The following MCM7 variants were observed in gnomAD, a reference collection of about 807,000 sequenced individuals.
The protein encoded by MCM7 is DNA replication licensing factor MCM7.
Under a neutral mutation model 83.5 loss-of-function variants are expected in MCM7, and 95 were observed. The ratio of observed to expected loss-of-function variants is 1.14; its 90% CI spans 0.96 to 1.35. MCM7 has a LOEUF of 1.35. Ranked by LOEUF, MCM7 falls within the 40% of genes most tolerant of loss-of-function variation. MCM7 has a pLI of 0.00. For missense variants in MCM7, 1,087 were observed against 957.4 expected (o/e 1.14, Z -1.79); for synonymous variants, 461 against 352.7 (o/e 1.31, Z -3.44).
chr7:100,098,864 CAGA>C, intron 5 of MCM7, 149 bp from the exon 6 acceptor site: 1 of 1,369,160 alleles, frequency 7.3e-7, no homozygotes, highest in Admixed American at 2.3e-5. Context: ...AACAAACACC[CAGA>C]AAATAGGTAG....
At chr7:100,096,209 A>G (rs1453825803) in intron 10 of MCM7, 42 bp from the exon 11 acceptor site, 1 of 1,519,948 alleles carries the variant, frequency 6.6e-7, no homozygotes, top group African/African-American at 1.4e-5. Context: ...AGAAAGAACA[A>G]GAAAGAGAAC....
intron 13 of MCM7, chr7:100,093,794 G>C: frequency 1.6e-6 from 1 of 617,422 alleles, no homozygotes; most frequent in Non-Finnish European, 3.2e-6. Context: ...TGCTAGCTCA[G>C]CAGTAGGTTG....
rs1033802328 is a variant in MCM7, at chr7:100,101,140, G to A, written c.31+124C>T. Reference sequence around the variant, plus strand: ...CTTAGCCAGGCCGCAGCTCGACCCTGCCTCTGGCCTCGCGCACCCCAGAAC... The same window carrying A: ...CTTAGCCAGGCCGCAGCTCGACCCTACCTCTGGCCTCGCGCACCCCAGAAC... On this transcript the variant is annotated intron_variant, in intron 1 of 14. Coordinates refer to ENST00000303887, the MANE Select transcript of MCM7 (RefSeq NM_005916.5). 6 of 1,229,178 alleles carry A rather than the reference G, an allele frequency of 4.9e-6. No homozygotes were observed. In the African/African-American group the frequency reaches 5.9e-5, roughly 12 times the overall value. 76.1% of individuals were successfully genotyped at this position (1,229,178 alleles called of 1,614,324 possible). A position where few individuals can be genotyped will look rare whatever the true frequency, so the allele number is the denominator to read the frequency against.
chr7:100,094,167 A>G lies in MCM7; in HGVS notation c.1848+6T>C, dbSNP rs746236374. 4.3e-6 allele frequency: 7 copies of G among 1,614,152 alleles called. No individual in the cohort carries two copies. The Admixed American group carries it at 1.2e-4, about 27-fold the overall frequency. ...CAGATGGCCCTCCAGCAATTTGGGC[A>G]CTTACCAGAGCAGTGGAAAGGCGCA... On this transcript the variant is annotated splice_donor_region_variant and intron_variant, in intron 13 of 14. Transcript: ENST00000303887.
rs1396825913 is a variant in MCM7, at chr7:100,099,749, C to T, written c.116G>A (p.Arg39Gln). The T allele has an allele frequency of 1.2e-6, 2 of 1,613,632 alleles. No homozygotes were observed. Among genetic ancestry groups the T allele is most frequent in the East Asian group, 2.2e-5 (1 of 44,902 alleles). The part of the protein sequence containing the change: ...KQFKYGNQLV[R>Q]LAHREQVALY... Reference sequence around the variant, plus strand: ...AGCCACCTGTTCCCGATGAGCCAGCCGAACCTCAAGTGGGGAAGAGACAGA... The same window carrying T: ...AGCCACCTGTTCCCGATGAGCCAGCTGAACCTCAAGTGGGGAAGAGACAGA... Residue 39 changes from arginine (R) to glutamine (Q), a missense_variant, in exon 3 of 15, where the codon CGG becomes CAG. Arg to Gln is a conservative substitution (Grantham distance 43, BLOSUM62 1). Coordinates refer to ENST00000303887, the MANE Select transcript of MCM7 (RefSeq NM_005916.5).
intron 1 of MCM7, chr7:100,100,481 C>T (rs1045883173): frequency 1.1e-5 from 10 of 912,664 alleles, no homozygotes; most frequent in Non-Finnish European, 1.2e-5. Flanking sequence ...GCCACCGCAC[C>T]CCGCCACCGC....
chr7:100,100,933 G>T (rs1291598294), intron 1 of MCM7: 1 of 1,016,030 alleles, frequency 9.8e-7, no homozygotes, highest in Non-Finnish European at 1.2e-6. Flanking sequence ...AGCGGGCACG[G>T]GAGCCCAGAG....
chr7:100,098,500 C>A lies in MCM7; in HGVS notation c.720+78G>T, dbSNP rs548909696. On this transcript the variant is annotated intron_variant, in intron 6 of 14. Transcript: ENST00000303887. The stretch of plus-strand genomic sequence containing the variant: ...CTTCCCTCTTTTGTTCTTCTTTCTT[C>A]CTGCCATTCCACAAGTGACTACAGG... 5 of 1,588,956 alleles carry A rather than the reference C, an allele frequency of 3.1e-6. No homozygotes were observed. The African/African-American group carries it at 6.7e-5, about 21-fold the overall frequency.
At chr7:100,094,031 G>A in intron 13 of MCM7, 142 bp downstream of exon 13, 1 of 1,050,628 alleles carries the variant, frequency 9.5e-7, no homozygotes, top group Non-Finnish European at 1.5e-6. Flanking sequence ...CGGTAGCACG[G>A]AGAGGACCAC....
intron 1 of MCM7, chr7:100,100,312 TC>T (rs1562900503): frequency 1.6e-6 from 2 of 1,262,352 alleles, no homozygotes. Flanking sequence ...ATCCAACATC[TC>T]CCCAGGGGAA....
chr7:100,100,704 GGCCGCAGCTCTCTCCGCGGCC>G, intron 1 of MCM7: 9 of 989,830 alleles, frequency 9.1e-6, no homozygotes, highest in Non-Finnish European at 1.1e-5. Flanking sequence ...CGCCCCCCCG[GGCCGCAGCTCTCTCCGCGGCC>G]GCCGCGCGGA....
At position 100,096,314 on chromosome 7, in the gene MCM7, T is replaced by G. The variant is rs1291410518; in HGVS notation, c.1202-147A>C. On this transcript the variant is annotated intron_variant, in intron 10 of 14. Coordinates refer to ENST00000303887, the MANE Select transcript of MCM7 (RefSeq NM_005916.5). The stretch of plus-strand genomic sequence containing the variant: ...CCTTCTTGAGATGCCCGAGGATCTG[T>G]GGGGCACTGGCAATGTCCCCCTTCC... 6.6e-6 allele frequency: 5 copies of G among 753,838 alleles called. No homozygotes were observed. In the Admixed American group the frequency reaches 9.1e-5, roughly 14 times the overall value. The allele number at this position is 753,838 out of a possible 1,614,324, so 46.7% of individuals were successfully genotyped here.
Position 100,099,678 on chromosome 7 carries a change from C to T in MCM7, c.187G>A (p.Val63Met). 1 of 1,614,246 alleles carries T rather than the reference C, an allele frequency of 6.2e-7. No homozygotes were observed. The highest frequency in any genetic ancestry group is 8.5e-7 in the Non-Finnish European group (1 of 1,180,046). ...CTGGCATTCTCACAAATTGAGTCCA[C>T]CAACTCGGGGTCATCCTCGGCTACG... ...DDVAEDDPELVDSICENARRY... is the reference protein window; with the variant it reads ...DDVAEDDPELMDSICENARRY... The change falls in exon 3 of 15, where the codon GTG (valine) becomes ATG (methionine). Residue 63 changes from valine to methionine, a missense_variant. Val to Met is a conservative substitution (Grantham distance 21). Coordinates refer to ENST00000303887, the MANE Select transcript of MCM7 (RefSeq NM_005916.5).
chr7:100,096,765 C>G (rs919871793), intron 10 of MCM7, among the ~76,000 whole-genome samples: 1 of 151,402 alleles, frequency 6.6e-6, no homozygotes, highest in East Asian at 1.9e-4. Flanking sequence ...ACTGAGACTC[C>G]GTCTCAAAAA....
intron 2 of MCM7, 63 bp downstream of exon 2, chr7:100,099,951 G>A: frequency 1.3e-6 from 2 of 1,497,210 alleles, no homozygotes; most frequent in Middle Eastern, 1.7e-4. Flanking sequence ...AACAAGCCAA[G>A]CTGCTGCTTA....
At chr7:100,101,194 G>C (rs1796003670) in intron 1 of MCM7, 70 bp downstream of exon 1, 9 of 1,590,768 alleles carry the variant, frequency 5.7e-6, no homozygotes, top group South Asian at 1.1e-5. Context: ...CAAGACCCCA[G>C]CTCACACCAA....
intron 14 of MCM7, 63 bp from the exon 15 acceptor site, chr7:100,093,196 G>A (rs979094325): frequency 6.3e-7 from 1 of 1,595,826 alleles, no homozygotes; most frequent in African/African-American, 1.3e-5. Flanking sequence ...CATCAACAGA[G>A]AACAATGGTG....
chr7:100,098,992 A>G (rs372505532), intron 5 of MCM7, 31 bp downstream of exon 5: 2 of 1,611,976 alleles, frequency 1.2e-6, no homozygotes, highest in African/African-American at 2.7e-5. Flanking sequence ...CTAATGGGTA[A>G]GTGCTTTCCT....
chr7:100,100,500 C>T (rs367804354), intron 1 of MCM7: 56 of 1,002,754 alleles, frequency 5.6e-5, no homozygotes, highest in Non-Finnish European at 6.5e-5. Flanking sequence ...GCACCCCACC[C>T]CCGCTCCCGC....
Sources: allele counts gnomAD v4.1 joint callset (sites outside exome capture counted in the v4.1 genomes callset), GRCh38; gene constraint gnomAD v4.1.1; transcripts MANE v1.5; gene names NCBI Gene and HGNC (gene_info 2026-07-23, HGNC 2026-07-21).